Variants in EYA4 observed in about 807,000 individuals in gnomAD.
EYA4 encodes the protein protein phosphatase EYA4.
EYA4 carries 31 observed loss-of-function variants against 87.9 expected under a neutral mutation model. The ratio of observed to expected loss-of-function variants is 0.35; its 90% CI spans 0.27 to 0.48. The LOEUF is 0.48. Ranked by LOEUF, EYA4 falls within the 20% of genes least tolerant of loss-of-function variation. EYA4 has a pLI of 0.99. For missense variants in EYA4, 678 were observed against 761.4 expected, an observed-to-expected ratio of 0.89 and a Z score of 1.29; for synonymous variants, 263 against 270.6, an observed-to-expected ratio of 0.97 and a Z score of 0.28.
In EYA4 at chr6:133,376,267, TGAA is replaced by T. The variant is rs750878721; in HGVS notation, c.34-6120_34-6118del. Among the ~76,000 whole-genome samples the T allele has an allele frequency of 2.6e-5, 4 of 151,922 alleles. No homozygotes were observed. The South Asian group carries it at 6.2e-4, about 24-fold the overall frequency. ...ATTTTATATTTTCTACACAGTTCAG[TGAA>T]GAAGTAGTCTTACCATCCATAAGAA... On this transcript the variant is annotated intron_variant, in intron 2 of 19. Transcript: ENST00000355286.
intron 3 of EYA4, among the ~76,000 whole-genome samples, chr6:133,407,578 G>A (rs1230293472): frequency 6.6e-6 from 1 of 151,990 alleles, no homozygotes; most frequent in Non-Finnish European, 1.5e-5. Context: ...GACTCCCTGT[G>A]CCACAGATAA....
At chr6:133,240,898 G>C (rs1773890339), upstream of EYA4, 1 of 152,512 alleles carries the variant, frequency 6.6e-6, no homozygotes, top group Non-Finnish European at 1.5e-5. Context: ...ACTGGGTAGC[G>C]AGAGAGTTCC....
At chr6:133,427,547 C>G (rs1413366650) in intron 3 of EYA4, among the ~76,000 whole-genome samples, 2 of 152,050 alleles carry the variant, frequency 1.3e-5, no homozygotes, top group East Asian at 1.9e-4. Context: ...GCAAGTCTTT[C>G]CTAAATTCCA....
At chr6:133,301,834 G>A (rs1325678454) in intron 2 of EYA4, among the ~76,000 whole-genome samples, 1 of 152,174 alleles carries the variant, frequency 6.6e-6, no homozygotes, top group Non-Finnish European at 1.5e-5. Flanking sequence ...CATTTTGAAG[G>A]AGGAAGCGCT....
intron 1 of EYA4, chr6:133,248,472 C>T (rs910537559): frequency 6.6e-6 from 1 of 152,164 alleles, no homozygotes; most frequent in Non-Finnish European, 1.5e-5. Flanking sequence ...ATTCACAGAC[C>T]TCTGCATATA....
chr6:133,442,762 A>G (rs564676657), intron 3 of EYA4, among the ~76,000 whole-genome samples: 18 of 152,294 alleles, frequency 1.2e-4, no homozygotes, highest in South Asian at 6.2e-4. Context: ...TCATTATTTC[A>G]TCACCGAATA....
intron 14 of EYA4, among the ~76,000 whole-genome samples, chr6:133,509,310 A>T (rs1195981574): frequency 2.6e-5 from 4 of 152,132 alleles, no homozygotes; most frequent in Non-Finnish European, 5.9e-5. Flanking sequence ...CTTGTTGACA[A>T]AAAGAATTCC....
At chr6:133,309,203 T>C (rs1780033606) in intron 2 of EYA4, among the ~76,000 whole-genome samples, 1 of 151,960 alleles carries the variant, frequency 6.6e-6, no homozygotes. Flanking sequence ...TATTTTTTAT[T>C]ATTAAAACAA....
chr6:133,367,311 C>T (rs1784926840), intron 2 of EYA4, among the ~76,000 whole-genome samples: 2 of 152,138 alleles, frequency 1.3e-5, no homozygotes, highest in South Asian at 2.1e-4. Flanking sequence ...TAAGCAGCTT[C>T]CTTGTGCTAA....
chr6:133,381,185 T>C (rs1170857987), intron 2 of EYA4, among the ~76,000 whole-genome samples: 1 of 151,752 alleles, frequency 6.6e-6, no homozygotes, highest in Non-Finnish European at 1.5e-5. Context: ...CTGGTCAGTT[T>C]TATTTTCATA....
At chr6:133,355,056 G>A (rs1053672443) in intron 2 of EYA4, among the ~76,000 whole-genome samples, 1 of 152,100 alleles carries the variant, frequency 6.6e-6, no homozygotes, top group South Asian at 2.1e-4. Flanking sequence ...CAGATAAATG[G>A]TTTTGAAAAA....
Position 133,528,933 on chromosome 6 carries a change from T to A in EYA4, c.*128T>A. ...GATGAAATCATATTTGGAATAAAAA[T>A]TCCAGAATGAAGAATTCAGATTGCT... is the stretch of plus-strand genomic sequence containing the variant. On this transcript the variant is annotated 3_prime_UTR_variant, in exon 20 of 20. Transcript: ENST00000355286. 6.4e-7 allele frequency: 1 copy of A among 1,557,332 alleles called. No homozygotes were observed. Among genetic ancestry groups the A allele is most frequent in the Non-Finnish European group, 8.7e-7 (1 of 1,150,900 alleles).
rs1200076248 is a variant in EYA4 at position 133,481,464 on chromosome 6, A to G, written c.972A>G (p.Gly324=). The stretch of plus-strand genomic sequence containing the variant: ...TGACCTAAGTCATGTTATCTATAGG[A>G]GAGTTCGATACCATGCAGAGTCCCT... ...ESLPGLTNQP[G]EFDTMQSPST... Residue 324 remains glycine (G), a splice_region_variant and synonymous_variant, in exon 12 of 20, where the codon GGA becomes GGG. Transcript: ENST00000355286. 6.2e-7 allele frequency: 1 copy of G among 1,613,624 alleles called. No homozygotes were observed. Among genetic ancestry groups the G allele is most frequent in the Non-Finnish European group, 8.5e-7 (1 of 1,179,616 alleles).
intron 3 of EYA4, among the ~76,000 whole-genome samples, chr6:133,416,518 G>A (rs1789727012): frequency 1.3e-5 from 2 of 152,218 alleles, no homozygotes; most frequent in South Asian, 4.2e-4. Flanking sequence ...TCCATGAGGA[G>A]GTTAGGAGGG....
intron 1 of EYA4, among the ~76,000 whole-genome samples, chr6:133,273,086 G>GAT (rs1432493531): frequency 6.0e-5 from 5 of 82,998 alleles, no homozygotes; most frequent in Admixed American, 2.9e-4. Context: ...ACTAATAGGA[G>GAT]ATATATATAT....
chr6:133,416,994 A>T (rs907716894), intron 3 of EYA4, among the ~76,000 whole-genome samples: 1 of 152,212 alleles, frequency 6.6e-6, no homozygotes, highest in Non-Finnish European at 1.5e-5. Flanking sequence ...GAGCAAAGCA[A>T]TCTGTTGATG....
chr6:133,487,035 T>C (rs929756651), intron 13 of EYA4, among the ~76,000 whole-genome samples: 9 of 152,152 alleles, frequency 5.9e-5, no homozygotes, highest in Non-Finnish European at 1.2e-4. Flanking sequence ...CCCACACCAG[T>C]CTTCCAGCAG....
At chr6:133,393,111 G>A (rs777396275) in intron 3 of EYA4, among the ~76,000 whole-genome samples, 6 of 152,170 alleles carry the variant, frequency 3.9e-5, no homozygotes, top group African/African-American at 7.2e-5. Context: ...GGGTTATTAA[G>A]CATCTTAAAT....
At chr6:133,461,211 T>G (rs368700175) in intron 7 of EYA4, 31 bp downstream of exon 7, 1 of 1,465,798 alleles carries the variant, frequency 6.8e-7, no homozygotes, top group African/African-American at 1.4e-5. Context: ...TGCTTTAAAT[T>G]GGCAAACATT....
Sources: gnomAD v4.1 joint callset for allele counts (sites outside exome capture counted in the v4.1 genomes callset) on GRCh38, gnomAD v4.1.1 for gene constraint, MANE v1.5 for transcripts, NCBI Gene and HGNC (gene_info 2026-07-23, HGNC 2026-07-21) for gene names.